The following SLK variants were observed in gnomAD, a reference collection of about 807,000 sequenced individuals.
The protein encoded by SLK is STE20-like serine/threonine-protein kinase.
In SLK, 67 loss-of-function variants were observed where a neutral mutation model predicts 147.7. The observed-to-expected ratio is 0.45, with a 90% CI of 0.37 to 0.56. The LOEUF (loss-of-function observed/expected upper bound fraction) is 0.56, where lower values mean the gene tolerates loss of function less well. Among genes scored for constraint, SLK ranks in the 20% least tolerant of loss-of-function variants. SLK has a pLI of 0.00. For missense variants in SLK, 1,136 were observed against 1,438.8 expected (o/e 0.79, Z 3.41); for synonymous variants, 441 against 475.0 (o/e 0.93, Z 0.93).
In SLK at chr10:103,999,287, A is replaced by C; in HGVS notation, c.756A>C (p.Pro252=). Residue 252 remains proline, a synonymous_variant, in exon 6 of 19, where the codon CCA becomes CCC. Transcript: ENST00000369755. ...TGCTAAAAATAGCAAAATCTGAGCCACCTACATTAGCACAGCCATCCAGAT... is the reference window on the plus strand; with the variant it reads ...TGCTAAAAATAGCAAAATCTGAGCCCCCTACATTAGCACAGCCATCCAGAT... ...RVLLKIAKSE[P]PTLAQPSRWS... The C allele has an allele frequency of 6.2e-7, 1 of 1,612,206 alleles. No individual in the cohort carries two copies. Among genetic ancestry groups the C allele is most frequent in the Non-Finnish European group, 8.5e-7 (1 of 1,179,300 alleles).
chr10:103,983,060 T>A (rs1357908041), intron 1 of SLK, among the ~76,000 whole-genome samples: 1 of 152,216 alleles, frequency 6.6e-6, no homozygotes, highest in Non-Finnish European at 1.5e-5. Flanking sequence ...GGTGTGTGTA[T>A]GTGCATGGTT....
intron 1 of SLK, among the ~76,000 whole-genome samples, chr10:103,970,314 C>G (rs1261729802): frequency 1.3e-5 from 2 of 152,178 alleles, no homozygotes; most frequent in African/African-American, 2.4e-5. Flanking sequence ...CTGTGTTATT[C>G]TTTCATGACA....
At chr10:104,008,448 C>G in intron 12 of SLK, 92 bp downstream of exon 12, 1 of 822,814 alleles carries the variant, frequency 1.2e-6, no homozygotes, top group East Asian at 2.7e-5. Flanking sequence ...ACTAATAATA[C>G]TTGAGAGTTA....
Position 104,025,727 on chromosome 10 carries a change from GAA to G in SLK, c.*8_*9del. On this transcript the variant is annotated 3_prime_UTR_variant, in exon 19 of 19. Transcript: ENST00000369755. ...GCATTCCACCGGATCATAACAAAGG[GAA>G]GCATTCTGTGCGTGGGTTTGGCTCT... The G allele has an allele frequency of 6.2e-7, 1 of 1,613,560 alleles. No individual in the cohort carries two copies. Among genetic ancestry groups the G allele is most frequent in the African/African-American group, 1.3e-5 (1 of 75,014 alleles).
rs148939719 is a variant in SLK, at chr10:104,003,629, T to C, written c.2349+102T>C. 2,424 of 961,374 alleles carry C rather than the reference T, an allele frequency of 2.5e-3. 16 individuals carry two copies. Among genetic ancestry groups the C allele is most frequent in the Middle Eastern group, 0.017 (52 of 3,058 alleles). 59.6% of individuals were successfully genotyped at this position (961,374 alleles called of 1,614,324 possible). On this transcript the variant is annotated intron_variant, in intron 9 of 18. Coordinates refer to ENST00000369755, the MANE Select transcript of SLK (RefSeq NM_014720.4). ...TGAAAATAAAACAGCATTAAATTAA[T>C]GTAGTATTAACAATATAAATTCTTA...
At chr10:104,015,943 A>G (rs1442931890) in intron 13 of SLK, among the ~76,000 whole-genome samples, 2 of 152,156 alleles carry the variant, frequency 1.3e-5, no homozygotes, top group Admixed American at 6.5e-5. Context: ...ATGTAAACCA[A>G]TGATAAAAAT....
intron 1 of SLK, among the ~76,000 whole-genome samples, chr10:103,972,718 A>G (rs1436225873): frequency 2.0e-5 from 3 of 152,170 alleles, no homozygotes; most frequent in Non-Finnish European, 4.4e-5. Context: ...CTAACATTTA[A>G]TATTGTCAGA....
Position 104,010,919 on chromosome 10 carries a change from C to T in SLK, c.2877+11C>T, listed in dbSNP as rs371190813. 35 of 1,528,632 alleles carry T rather than the reference C, an allele frequency of 2.3e-5. No homozygotes were observed. The highest frequency in any genetic ancestry group is 3.1e-5 in the Non-Finnish European group (35 of 1,137,682). The allele number at this position is 1,528,632 out of a possible 1,614,324, so 94.7% of individuals were successfully genotyped here. On this transcript the variant is annotated intron_variant, in intron 13 of 18. Coordinates refer to ENST00000369755, the MANE Select transcript of SLK (RefSeq NM_014720.4). ...AGCCAGCATGCTCAGGTAACAGCAG[C>T]AGCTTAATGCTACTAAAACCAGAAA...
At chr10:104,010,367 C>A (rs1357746672) in intron 12 of SLK, among the ~76,000 whole-genome samples, 1 of 152,054 alleles carries the variant, frequency 6.6e-6, no homozygotes, top group East Asian at 1.9e-4. Context: ...AGCATTATTT[C>A]TTTAGTATGA....
intron 1 of SLK, among the ~76,000 whole-genome samples, chr10:103,970,856 G>A (rs1843783433): frequency 6.6e-6 from 1 of 151,986 alleles, no homozygotes; most frequent in Non-Finnish European, 1.5e-5. Context: ...GAAGTGTTTT[G>A]GATTTTGGAA....
At chr10:104,006,143 C>A in intron 11 of SLK, 108 bp downstream of exon 11, 1 of 1,102,812 alleles carries the variant, frequency 9.1e-7, no homozygotes, top group Non-Finnish European at 1.3e-6. Context: ...TCTCTGATTG[C>A]CAGATTTCTC....
Position 103,990,788 on chromosome 10 carries a change from C to T in SLK, c.264C>T (p.His88=). Residue 88 remains histidine (H), a synonymous_variant, in exon 2 of 19, where the codon CAC becomes CAT. Transcript: ENST00000369755. ...VEIDILASCD[H]PNIVKLLDAF... is the part of the protein sequence containing the mutation. Reference sequence around the variant, plus strand: ...TTGACATATTAGCATCTTGTGATCACCCAAATATAGTCAAGCTTCTAGATG... The same window carrying T: ...TTGACATATTAGCATCTTGTGATCATCCAAATATAGTCAAGCTTCTAGATG... The T allele has an allele frequency of 1.3e-6, 2 of 1,552,488 alleles. No individual in the cohort carries two copies. The highest frequency in any genetic ancestry group is 8.6e-7 in the Non-Finnish European group (1 of 1,156,096).
chr10:104,006,204 C>T (rs1211875616), intron 11 of SLK, among the ~76,000 whole-genome samples, 169 bp downstream of exon 11: 1 of 152,118 alleles, frequency 6.6e-6, no homozygotes, highest in Non-Finnish European at 1.5e-5. Flanking sequence ...GTTCTGGATG[C>T]CTTTTATTGA....
At chr10:104,023,590 G>A (rs1844562173) in intron 18 of SLK, among the ~76,000 whole-genome samples, 1 of 152,050 alleles carries the variant, frequency 6.6e-6, no homozygotes, top group South Asian at 2.1e-4. Context: ...TTATCAGTTT[G>A]GGCAGTAAGC....
At chr10:103,982,163 G>A (rs1459617195) in intron 1 of SLK, among the ~76,000 whole-genome samples, 1 of 151,882 alleles carries the variant, frequency 6.6e-6, no homozygotes, top group African/African-American at 2.4e-5. Context: ...TACATTTTTT[G>A]TCTTATTTTA....
At position 103,999,915 on chromosome 10, in the gene SLK, G is replaced by A; in HGVS notation, c.831G>A (p.Val277=). Residue 277 remains valine (V), a synonymous_variant, in exon 7 of 19, where the codon GTG becomes GTA. Coordinates refer to ENST00000369755, the MANE Select transcript of SLK (RefSeq NM_014720.4). ...DFLKKCLEKN[V]DARWTTSQLL... is the part of the protein sequence containing the mutation. ...TAAAGAAATGCTTAGAAAAGAATGTGGATGCCAGGTGGACTACATCTCAGC... is the reference window on the plus strand; with the variant it reads ...TAAAGAAATGCTTAGAAAAGAATGTAGATGCCAGGTGGACTACATCTCAGC... 1 of 1,563,832 alleles carries A rather than the reference G, an allele frequency of 6.4e-7. No homozygotes were observed. Among genetic ancestry groups the A allele is most frequent in the Non-Finnish European group, 8.8e-7 (1 of 1,142,848 alleles).
chr10:103,991,652 C>T (rs2476950), intron 2 of SLK, among the ~76,000 whole-genome samples: 34,419 of 151,668 alleles, frequency 0.23, 4,507 homozygotes, highest in African/African-American at 0.36. Context: ...TGATCTACCT[C>T]CCAAATTATT....
intron 1 of SLK, among the ~76,000 whole-genome samples, chr10:103,972,399 G>A (rs894851130): frequency 2.6e-5 from 4 of 152,166 alleles, no homozygotes; most frequent in Admixed American, 6.5e-5. Context: ...CCTGCCAGGC[G>A]CGGTGGCTCA....
Position 104,001,533 on chromosome 10 carries a change from C to A in SLK, c.954C>A (p.Gly318=). The part of the protein sequence containing the change: ...KAEVTEEVED[G]KEEDEEEETE... ...AAGTAACAGAAGAAGTTGAAGATGG[C>A]AAAGAGGAAGATGAAGAGGAGGAAA... Residue 318 remains glycine (G), a synonymous_variant, in exon 8 of 19, where the codon GGC becomes GGA. Transcript: ENST00000369755. 6.2e-7 allele frequency: 1 copy of A among 1,613,322 alleles called. No individual in the cohort carries two copies. Among genetic ancestry groups the A allele is most frequent in the Non-Finnish European group, 8.5e-7 (1 of 1,179,500 alleles).
Sources: gnomAD v4.1 joint callset for allele counts (sites outside exome capture counted in the v4.1 genomes callset) on GRCh38, gnomAD v4.1.1 for gene constraint, MANE v1.5 for transcripts, NCBI Gene and HGNC (gene_info 2026-07-23, HGNC 2026-07-21) for gene names.